Variants in CSMD1 observed in about 807,000 individuals in gnomAD.
CSMD1 encodes CUB and sushi domain-containing protein 1.
CSMD1 carries 213 observed loss-of-function variants against 417.5 expected under a neutral mutation model. The ratio of observed to expected loss-of-function variants is 0.51; its 90% confidence interval spans 0.46 to 0.57. The LOEUF (loss-of-function observed/expected upper bound fraction) is 0.57. Ranked by LOEUF, CSMD1 falls within the 20% of genes least tolerant of loss-of-function variation. The pLI, the probability that CSMD1 is intolerant of heterozygous loss-of-function variation, is 0.00. For synonymous variants in CSMD1, 2,862 were observed against 1,736.8 expected (o/e 1.65, Z -16.11); for missense variants, 6,923 against 4,529.7 (o/e 1.53, Z -15.17).
intron 3 of CSMD1, among the ~76,000 whole-genome samples, chr8:4,202,737 C>T (rs953043611): frequency 2.0e-5 from 3 of 152,120 alleles, no homozygotes; most frequent in Non-Finnish European, 4.4e-5. Flanking sequence ...TACTTAATAA[C>T]TAAGTGTTAC....
chr8:4,820,697 C>T (rs1346568146), intron 1 of CSMD1, among the ~76,000 whole-genome samples: 1 of 152,170 alleles, frequency 6.6e-6, no homozygotes, highest in Non-Finnish European at 1.5e-5. Context: ...ATTTCCTTAA[C>T]AAGGCTGCAT....
At chr8:4,319,758 T>C (rs1265075592) in intron 3 of CSMD1, among the ~76,000 whole-genome samples, 2 of 152,088 alleles carry the variant, frequency 1.3e-5, no homozygotes, top group Non-Finnish European at 2.9e-5. Flanking sequence ...CAAAGGCTGC[T>C]AGAGTTGCCG....
rs771873239 is a variant in CSMD1, at chr8:3,348,179, TG to T, written c.3305-19del. On this transcript the variant is annotated intron_variant, in intron 21 of 69. Coordinates refer to ENST00000635120, the MANE Select transcript of CSMD1 (RefSeq NM_033225.6). ...ACATTCGGCTACAATAAATAGGACA[TG>T]AGAGAAAGAGGATTCAAAAGTGGAA... The T allele has an allele frequency of 1.3e-6, 2 of 1,599,148 alleles. No homozygotes were observed. The highest frequency in any genetic ancestry group is 1.7e-6 in the Non-Finnish European group (2 of 1,172,908).
At chr8:3,315,739 A>G (rs1805708553) in intron 23 of CSMD1, among the ~76,000 whole-genome samples, 1 of 152,206 alleles carries the variant, frequency 6.6e-6, no homozygotes, top group South Asian at 2.1e-4. Context: ...AAGCCTGTAA[A>G]TGTCCAGAAT....
At chr8:3,208,502 T>C (rs1355428404) in intron 30 of CSMD1, among the ~76,000 whole-genome samples, 2 of 152,168 alleles carry the variant, frequency 1.3e-5, no homozygotes, top group African/African-American at 4.8e-5. Flanking sequence ...GTTGACCTCG[T>C]GATCCACCTA....
intron 1 of CSMD1, among the ~76,000 whole-genome samples, chr8:4,674,280 A>G (rs112447276): frequency 6.6e-6 from 1 of 152,292 alleles, no homozygotes; most frequent in Non-Finnish European, 1.5e-5. Flanking sequence ...TGAGTCTGGC[A>G]TGTGCAGGGC....
intron 54 of CSMD1, among the ~76,000 whole-genome samples, chr8:2,981,381 G>C (rs1322744305): frequency 6.6e-6 from 1 of 152,238 alleles, no homozygotes; most frequent in Non-Finnish European, 1.5e-5. Flanking sequence ...GAAATGGCCA[G>C]TGAAGTTCAT....
At chr8:4,172,225 G>A (rs967546799) in intron 3 of CSMD1, among the ~76,000 whole-genome samples, 2 of 152,084 alleles carry the variant, frequency 1.3e-5, no homozygotes, top group African/African-American at 2.4e-5. Context: ...TGGACCAAGA[G>A]AATAGGGTCA....
chr8:4,090,766 G>A (rs568708917), intron 3 of CSMD1, among the ~76,000 whole-genome samples: 41 of 152,168 alleles, frequency 2.7e-4, no homozygotes, highest in African/African-American at 9.9e-4. Context: ...TGAAGTAGTG[G>A]GTTATAATTA....
intron 3 of CSMD1, among the ~76,000 whole-genome samples, chr8:4,252,844 G>T (rs1585101443): frequency 6.6e-6 from 1 of 152,228 alleles, no homozygotes; most frequent in African/African-American, 2.4e-5. Flanking sequence ...TGGAGTTGCA[G>T]CAGCCTTCTT....
chr8:4,332,611 T>C lies in CSMD1; in HGVS notation c.415+87342A>G, dbSNP rs879548435. Reference sequence around the variant, plus strand: ...CACACACACACACACACACACAGAGTCATATGCAGAGACATTCAGATACAC... The same window carrying C: ...CACACACACACACACACACACAGAGCCATATGCAGAGACATTCAGATACAC... On this transcript the variant is annotated intron_variant, in intron 3 of 69. Transcript: ENST00000635120. Among the ~76,000 whole-genome samples, 3 of 74,974 alleles carry C rather than the reference T, an allele frequency of 4.0e-5. No individual in the cohort carries two copies. In the East Asian group the frequency reaches 1.5e-3, roughly 37 times the overall value. 49.2% of individuals were successfully genotyped at this position (74,974 alleles called of 152,430 possible).
At chr8:3,719,309 G>C (rs1272761142) in intron 6 of CSMD1, among the ~76,000 whole-genome samples, 1 of 152,118 alleles carries the variant, frequency 6.6e-6, no homozygotes, top group African/African-American at 2.4e-5. Context: ...GGCCCAGATA[G>C]CTGAGCTCCA....
At chr8:3,248,080 T>A (rs1458815197) in intron 26 of CSMD1, among the ~76,000 whole-genome samples, 1 of 152,114 alleles carries the variant, frequency 6.6e-6, no homozygotes, top group African/African-American at 2.4e-5. Context: ...GTAATCCCAT[T>A]GCTTTGGGAG....
chr8:3,538,365 C>T (rs753041012), intron 10 of CSMD1, among the ~76,000 whole-genome samples: 1 of 152,140 alleles, frequency 6.6e-6, no homozygotes, highest in African/African-American at 2.4e-5. Context: ...TGGGATGATG[C>T]ACCTGGGATT....
chr8:3,885,365 G>A (rs555760383), intron 5 of CSMD1, among the ~76,000 whole-genome samples: 39 of 152,150 alleles, frequency 2.6e-4, no homozygotes, highest in African/African-American at 7.7e-4. Flanking sequence ...ACGGTTAAAC[G>A]AAAATATAAA....
chr8:2,944,129 C>T lies in CSMD1; in HGVS notation c.10403-1525G>A, dbSNP rs111915452. Among the ~76,000 whole-genome samples, 1,454 of 152,128 alleles carry T rather than the reference C, an allele frequency of 9.6e-3. 22 individuals carry two copies. The highest frequency in any genetic ancestry group is 0.033 in the African/African-American group (1,353 of 41,532). On this transcript the variant is annotated intron_variant, in intron 68 of 69. Coordinates refer to ENST00000635120, the MANE Select transcript of CSMD1 (RefSeq NM_033225.6). ...CAACTACTTATCTTTTTGAGATCTG[C>T]CCCACCATCACGCAAAAGGAAGATG...
chr8:4,442,105 C>T (rs1220937504), intron 2 of CSMD1, among the ~76,000 whole-genome samples: 2 of 152,082 alleles, frequency 1.3e-5, no homozygotes, highest in African/African-American at 2.4e-5. Context: ...TGACGAAATG[C>T]TTATCTCCTC....
chr8:3,657,037 T>G (rs980261375), intron 7 of CSMD1, among the ~76,000 whole-genome samples: 12 of 141,426 alleles, frequency 8.5e-5, no homozygotes, highest in African/African-American at 3.0e-4. Flanking sequence ...GGAAAGTGTC[T>G]GCCAGGGCAT....
intron 6 of CSMD1, among the ~76,000 whole-genome samples, chr8:3,728,989 G>A (rs1312556465): frequency 6.6e-6 from 1 of 152,216 alleles, no homozygotes; most frequent in East Asian, 1.9e-4. Context: ...GTGGTAGAGT[G>A]TGATGCTACT....
Sources: gnomAD v4.1 joint callset for allele counts (sites outside exome capture counted in the v4.1 genomes callset) on GRCh38, gnomAD v4.1.1 for gene constraint, MANE v1.5 for transcripts, NCBI Gene and HGNC (gene_info 2026-07-23, HGNC 2026-07-21) for gene names.